LIMCH1: variants seen among roughly 807,000 people sequenced by gnomAD.
The protein encoded by LIMCH1 is LIM and calponin homology domains-containing protein 1.
A neutral mutation model predicts 176.5 loss-of-function variants in LIMCH1; 113 were observed. That is an observed-to-expected ratio of 0.64 (90% CI 0.55 to 0.75). The LOEUF is 0.75. Among genes scored for constraint, LIMCH1 ranks in the 30% least tolerant of loss-of-function variants. The pLI, the probability that LIMCH1 is intolerant of heterozygous loss-of-function variation, is 0.00. For synonymous variants in LIMCH1, 619 were observed against 645.9 expected, an observed-to-expected ratio of 0.96 and a Z score of 0.63; for missense variants, 1,674 against 1,814.9, an observed-to-expected ratio of 0.92 and a Z score of 1.41.
chr4:41,518,409 C>T (rs1021211132), intron 2 of LIMCH1, among the ~76,000 whole-genome samples: 6 of 151,786 alleles, frequency 4.0e-5, no homozygotes, highest in African/African-American at 1.5e-4. Flanking sequence ...TTTTAAGTTG[C>T]AGATAGAAAA....
At chr4:41,572,235 A>G (rs2083673099) in intron 1 of LIMCH1, among the ~76,000 whole-genome samples, 1 of 152,222 alleles carries the variant, frequency 6.6e-6, no homozygotes, top group African/African-American at 2.4e-5. Context: ...TGATCTTGCA[A>G]GTGCCCCACT....
At chr4:41,567,240 C>G (rs1465603703) in intron 1 of LIMCH1, among the ~76,000 whole-genome samples, 1 of 152,128 alleles carries the variant, frequency 6.6e-6, no homozygotes, top group African/African-American at 2.4e-5. Flanking sequence ...CTCTCTGTGC[C>G]TTGGTTTCCT....
At chr4:41,460,454 T>TTATATATATATATATATATATA (rs1561441509) in intron 1 of LIMCH1, among the ~76,000 whole-genome samples, 1 of 63,746 alleles carries the variant, frequency 1.6e-5, no homozygotes, top group Non-Finnish European at 2.6e-5. Flanking sequence ...ACTATAGTAA[T>TTATATATATATATATATATATA]CATCTATATA....
At chr4:41,612,092 A>G (rs1347263280) in intron 4 of LIMCH1, among the ~76,000 whole-genome samples, 1 of 152,172 alleles carries the variant, frequency 6.6e-6, no homozygotes, top group East Asian at 1.9e-4. Context: ...TGGAGGCTGC[A>G]GGGTGCTCCT....
chr4:41,678,533 G>T (rs1712978033), intron 23 of LIMCH1, among the ~76,000 whole-genome samples: 1 of 152,170 alleles, frequency 6.6e-6, no homozygotes, highest in South Asian at 2.1e-4. Context: ...CCAAGAGTCA[G>T]ATTTCCACAA....
At chr4:41,501,857 CTTTTTTTTTTTTTTT>C (rs71198662) in intron 2 of LIMCH1, among the ~76,000 whole-genome samples, 1 of 74,980 alleles carries the variant, frequency 1.3e-5, no homozygotes, top group South Asian at 4.7e-4. Flanking sequence ...GTGTAGAATC[CTTTTTTTTTTTTTTT>C]TTTTTTTTTT....
chr4:41,423,634 A>AG (rs1266263407), intron 1 of LIMCH1, among the ~76,000 whole-genome samples: 1 of 152,164 alleles, frequency 6.6e-6, no homozygotes, highest in Admixed American at 6.5e-5. Flanking sequence ...CCAAGCCTAT[A>AG]GCCTGGGGGA....
At chr4:41,451,311 A>G (rs1169807830) in intron 1 of LIMCH1, among the ~76,000 whole-genome samples, 1 of 150,596 alleles carries the variant, frequency 6.6e-6, no homozygotes, top group Non-Finnish European at 1.5e-5. Flanking sequence ...TTTTTGGTAG[A>G]GACAGGTTTT....
chr4:41,593,947 T>C (rs1445212355), intron 1 of LIMCH1, among the ~76,000 whole-genome samples: 1 of 152,056 alleles, frequency 6.6e-6, no homozygotes, highest in Non-Finnish European at 1.5e-5. Context: ...CTCTCTCCCT[T>C]CCCCCACACG....
intron 1 of LIMCH1, among the ~76,000 whole-genome samples, chr4:41,449,004 G>C (rs983839681): frequency 1.3e-5 from 2 of 151,888 alleles, no homozygotes; most frequent in Non-Finnish European, 2.9e-5. Context: ...AACACACACA[G>C]AGTTCAGCAC....
At chr4:41,628,258 T>C (rs1169644457) in intron 8 of LIMCH1, among the ~76,000 whole-genome samples, 2 of 152,202 alleles carry the variant, frequency 1.3e-5, no homozygotes, top group East Asian at 1.9e-4. Context: ...GGAAAAGGAC[T>C]AGCCTTTGTA....
In LIMCH1 at chr4:41,652,461, A is replaced by T. The variant is rs552493287; in HGVS notation, c.3036+1853A>T. The stretch of plus-strand genomic sequence containing the variant: ...GACTTCCATTTTACTTGTCATTTGC[A>T]TACGTCTTACCTCTGCTAGAGATTT... On this transcript the variant is annotated intron_variant, in intron 18 of 31. Coordinates refer to ENST00000503057, the MANE Select transcript of LIMCH1 (RefSeq NM_001330672.2). 3.3e-5 allele frequency among the ~76,000 whole-genome samples: 5 copies of T among 152,292 alleles called. No homozygotes were observed. The East Asian group carries it at 9.6e-4, about 29-fold the overall frequency.
At chr4:41,371,936 G>GC (rs1302800187) in intron 1 of LIMCH1, among the ~76,000 whole-genome samples, 1 of 152,222 alleles carries the variant, frequency 6.6e-6, no homozygotes, top group Non-Finnish European at 1.5e-5. Context: ...TTGGTAAGGT[G>GC]CAAGTTGCGA....
upstream of LIMCH1, among the ~76,000 whole-genome samples, chr4:41,535,976 C>T (rs1022923796): frequency 9.2e-5 from 14 of 152,058 alleles, no homozygotes; most frequent in Admixed American, 7.9e-4. Context: ...CGTTGAACAG[C>T]GTTTAGCAGA....
chr4:41,450,753 C>T (rs1327339292), intron 1 of LIMCH1, among the ~76,000 whole-genome samples: 1 of 146,632 alleles, frequency 6.8e-6, no homozygotes, highest in Non-Finnish European at 1.5e-5. Flanking sequence ...TGAGATCACA[C>T]CACTTCACTC....
intron 18 of LIMCH1, among the ~76,000 whole-genome samples, chr4:41,657,353 C>A (rs1353244616): frequency 6.6e-6 from 1 of 152,226 alleles, no homozygotes; most frequent in African/African-American, 2.4e-5. Context: ...TCCCTGCCAA[C>A]TTTGAACTCA....
At chr4:41,446,092 G>A (rs575773071) in intron 1 of LIMCH1, among the ~76,000 whole-genome samples, 1 of 152,154 alleles carries the variant, frequency 6.6e-6, no homozygotes, top group Non-Finnish European at 1.5e-5. Context: ...AAGGGTTTGA[G>A]GGTTGCTGTC....
chr4:41,411,489 G>A (rs1165792976), intron 1 of LIMCH1, among the ~76,000 whole-genome samples: 2 of 152,130 alleles, frequency 1.3e-5, no homozygotes, highest in African/African-American at 4.8e-5. Context: ...GACTATAGGT[G>A]CAGGCTACTG....
At chr4:41,693,711 C>T (rs1374543563) in intron 31 of LIMCH1, among the ~76,000 whole-genome samples, 1 of 152,010 alleles carries the variant, frequency 6.6e-6, no homozygotes, top group African/African-American at 2.4e-5. Flanking sequence ...TCTTTTCTCC[C>T]AGATTTCAAT....
Sources: allele counts gnomAD v4.1 joint callset (sites outside exome capture counted in the v4.1 genomes callset), GRCh38; gene constraint gnomAD v4.1.1; transcripts MANE v1.5; gene names NCBI Gene and HGNC (gene_info 2026-07-23, HGNC 2026-07-21).